Variants in ACOXL observed in about 807,000 individuals in gnomAD.
The protein encoded by ACOXL is acyl-coenzyme A oxidase-like protein.
ACOXL carries 70 observed loss-of-function variants against 71.9 expected under a neutral mutation model. The observed-to-expected ratio is 0.97, with a 90% CI of 0.80 to 1.19. The LOEUF (loss-of-function observed/expected upper bound fraction) is 1.19. ACOXL is among the 50% of genes most tolerant of loss of function. The pLI is 0.00. For missense variants in ACOXL, 703 were observed against 736.3 expected (o/e 0.95, Z 0.52); for synonymous variants, 253 against 281.6 (o/e 0.90, Z 1.02).
At chr2:110,762,965 T>G (rs926032908) in intron 1 of ACOXL, among the ~76,000 whole-genome samples, 2 of 152,200 alleles carry the variant, frequency 1.3e-5, no homozygotes, top group African/African-American at 4.8e-5. Flanking sequence ...CCAAATTGTT[T>G]GAAGTATTTC....
intron 10 of ACOXL, among the ~76,000 whole-genome samples, chr2:110,870,649 G>A (rs1695161623): frequency 6.6e-6 from 1 of 152,050 alleles, no homozygotes. Flanking sequence ...AAGTCTTTAG[G>A]GATGTTCCAT....
chr2:111,014,122 C>T (rs1353529480), intron 14 of ACOXL, among the ~76,000 whole-genome samples: 1 of 152,164 alleles, frequency 6.6e-6, no homozygotes. Context: ...CAGCTAACCT[C>T]ATACCTAATA....
At chr2:110,914,901 G>C (rs1039862094) in intron 11 of ACOXL, among the ~76,000 whole-genome samples, 10 of 152,140 alleles carry the variant, frequency 6.6e-5, no homozygotes. Flanking sequence ...TATTTAAGGG[G>C]TACGTGAGAT....
intron 7 of ACOXL, 113 bp from the exon 8 acceptor site, chr2:110,801,539 A>G (rs145674371): frequency 1.1e-6 from 1 of 925,430 alleles, no homozygotes; most frequent in East Asian, 2.5e-5. Context: ...AAAAAGCACC[A>G]ACAATTCTGG....
intron 12 of ACOXL, among the ~76,000 whole-genome samples, chr2:110,945,362 CTTTTT>C (rs35191683): frequency 7.5e-6 from 1 of 133,284 alleles, no homozygotes; most frequent in Admixed American, 7.5e-5. Flanking sequence ...CATTTGTCAA[CTTTTT>C]TTTTTTTTTT....
chr2:110,948,436 A>G (rs2061195171), intron 12 of ACOXL, among the ~76,000 whole-genome samples: 1 of 152,142 alleles, frequency 6.6e-6, no homozygotes, highest in Admixed American at 6.5e-5. Flanking sequence ...ACACCACCTC[A>G]TTTATCTGGC....
At chr2:110,957,783 G>A (rs2061553239) in intron 12 of ACOXL, among the ~76,000 whole-genome samples, 1 of 152,146 alleles carries the variant, frequency 6.6e-6, no homozygotes, top group Non-Finnish European at 1.5e-5. Context: ...GGGACCAGGG[G>A]TGCTGGCTTA....
At chr2:111,005,586 A>C (rs2149642063) in intron 14 of ACOXL, among the ~76,000 whole-genome samples, 1 of 152,324 alleles carries the variant, frequency 6.6e-6, no homozygotes, top group Non-Finnish European at 1.5e-5. Flanking sequence ...ACTTTTGTAA[A>C]GCCTATCTTT....
intron 17 of ACOXL, among the ~76,000 whole-genome samples, chr2:111,111,394 T>C (rs1354807982): frequency 1.3e-5 from 2 of 152,206 alleles, no homozygotes; most frequent in Non-Finnish European, 2.9e-5. Flanking sequence ...GCCACTGTGA[T>C]GCCATATTTT....
chr2:111,115,842 ATGAG>A (rs929424067), intron 17 of ACOXL, among the ~76,000 whole-genome samples: 2 of 152,184 alleles, frequency 1.3e-5, no homozygotes, highest in African/African-American at 4.8e-5. Context: ...CTGAACACTT[ATGAG>A]TGAAGAAACC....
intron 11 of ACOXL, among the ~76,000 whole-genome samples, chr2:110,913,531 T>TA (rs1255449263): frequency 6.6e-6 from 1 of 152,194 alleles, no homozygotes; most frequent in Non-Finnish European, 1.5e-5. Flanking sequence ...ATTCCATTGA[T>TA]ATGAAATTTC....
chr2:110,939,207 A>G (rs1297027205), intron 12 of ACOXL, among the ~76,000 whole-genome samples: 1 of 152,230 alleles, frequency 6.6e-6, no homozygotes, highest in Non-Finnish European at 1.5e-5. Context: ...TGTGGAGGGC[A>G]GCTTCTTGGC....
At chr2:110,844,682 G>A (rs904423553) in intron 10 of ACOXL, among the ~76,000 whole-genome samples, 4 of 151,780 alleles carry the variant, frequency 2.6e-5, no homozygotes, top group African/African-American at 9.7e-5. Flanking sequence ...CGAATAGCTG[G>A]GATTACAGGC....
intron 10 of ACOXL, among the ~76,000 whole-genome samples, chr2:110,870,930 G>A (rs1225345903): frequency 6.6e-6 from 1 of 152,130 alleles, no homozygotes; most frequent in Non-Finnish European, 1.5e-5. Context: ...TCAAGGGAGA[G>A]GTCAGGCCTG....
At chr2:110,801,824 A>C (rs1398838628) in intron 8 of ACOXL, 100 bp downstream of exon 8, 8 of 963,630 alleles carry the variant, frequency 8.3e-6, no homozygotes, top group Non-Finnish European at 1.3e-5. Flanking sequence ...ATGTCTGGGC[A>C]TTCTTCCCCT....
intron 12 of ACOXL, among the ~76,000 whole-genome samples, chr2:110,953,903 A>G (rs373212788): frequency 1.3e-5 from 2 of 152,250 alleles, no homozygotes; most frequent in African/African-American, 2.4e-5. Context: ...CATGAGAACA[A>G]CAAGGGGGAA....
chr2:110,795,820 CTTAT>C (rs1396479220), intron 5 of ACOXL: 1 of 152,164 alleles, frequency 6.6e-6, no homozygotes, highest in Non-Finnish European at 1.5e-5. Context: ...ACCCACAGCT[CTTAT>C]TTATTTGTTT....
chr2:110,906,695 G>A (rs539506589), intron 10 of ACOXL, among the ~76,000 whole-genome samples: 20 of 151,792 alleles, frequency 1.3e-4, no homozygotes, highest in Non-Finnish European at 2.4e-4. Flanking sequence ...TGGGTAAAAT[G>A]TCCTCAAGTG....
chr2:110,773,056 C>T (rs1451329612), intron 2 of ACOXL, among the ~76,000 whole-genome samples: 2 of 152,144 alleles, frequency 1.3e-5, no homozygotes, highest in Non-Finnish European at 2.9e-5. Flanking sequence ...CAGAAAAGGT[C>T]CAGGGACCAT....
Sources: allele counts gnomAD v4.1 joint callset (sites outside exome capture counted in the v4.1 genomes callset), GRCh38; gene constraint gnomAD v4.1.1; transcripts MANE v1.5; gene names NCBI Gene and HGNC (gene_info 2026-07-23, HGNC 2026-07-21).